Variants in ASCC3 observed in about 807,000 individuals in gnomAD.
ASCC3 encodes ASC-1 complex subunit P200.
In ASCC3, 158 loss-of-function variants were observed where a neutral mutation model predicts 256.3. The observed-to-expected ratio is 0.62, with a 90% CI of 0.54 to 0.70. The LOEUF is 0.70. ASCC3 is among the 30% of genes least tolerant of loss of function. ASCC3 has a pLI of 0.00. For synonymous variants in ASCC3, 948 were observed against 883.4 expected, an observed-to-expected ratio of 1.07 and a Z score of -1.30; for missense variants, 2,259 against 2,626.0, an observed-to-expected ratio of 0.86 and a Z score of 3.05.
chr6:100,520,198 A>T (rs1774232533), intron 37 of ASCC3, among the ~76,000 whole-genome samples: 1 of 152,120 alleles, frequency 6.6e-6, no homozygotes, highest in African/African-American at 2.4e-5. Flanking sequence ...AATTGTAAGA[A>T]GGTAAAAGTG....
At chr6:100,571,376 T>G (rs1302717599) in intron 36 of ASCC3, among the ~76,000 whole-genome samples, 1 of 152,196 alleles carries the variant, frequency 6.6e-6, no homozygotes, top group African/African-American at 2.4e-5. Flanking sequence ...TCTAATTATC[T>G]TCTGATTATT....
intron 1 of ASCC3, among the ~76,000 whole-genome samples, chr6:100,874,064 A>G (rs1410898095): frequency 6.6e-6 from 1 of 152,200 alleles, no homozygotes; most frequent in African/African-American, 2.4e-5. Context: ...ACAGCTCATT[A>G]GTTCATTGTT....
chr6:100,544,503 T>C (rs1452496003), intron 36 of ASCC3, among the ~76,000 whole-genome samples: 1 of 151,906 alleles, frequency 6.6e-6, no homozygotes, highest in Non-Finnish European at 1.5e-5. Flanking sequence ...GTTTTACAGA[T>C]ACTAAAATAA....
intron 34 of ASCC3, among the ~76,000 whole-genome samples, chr6:100,596,739 C>A (rs1772322901): frequency 6.6e-6 from 1 of 152,136 alleles, no homozygotes; most frequent in Non-Finnish European, 1.5e-5. Context: ...AAGTTTAAAT[C>A]ATTTACAATA....
At chr6:100,797,220 C>T (rs1346537240) in intron 8 of ASCC3, among the ~76,000 whole-genome samples, 5 of 152,004 alleles carry the variant, frequency 3.3e-5, no homozygotes, top group East Asian at 1.9e-4. Flanking sequence ...GAGGCCGAGG[C>T]GGGTGGATCA....
intron 30 of ASCC3, 125 bp from the exon 31 acceptor site, chr6:100,607,213 A>C: frequency 1.0e-6 from 1 of 965,796 alleles, no homozygotes; most frequent in Non-Finnish European, 1.6e-6. Context: ...TATAAGTCCT[A>C]TATACAGTTA....
At chr6:100,822,978 T>G (rs899736958) in intron 4 of ASCC3, among the ~76,000 whole-genome samples, 5 of 152,180 alleles carry the variant, frequency 3.3e-5, no homozygotes, top group Non-Finnish European at 7.3e-5. Flanking sequence ...TAACTTCTAG[T>G]GCCAAGTCCC....
chr6:100,815,438 A>G, intron 4 of ASCC3, among the ~76,000 whole-genome samples: 1 of 152,104 alleles, frequency 6.6e-6, no homozygotes, highest in Middle Eastern at 3.4e-3. Flanking sequence ...ACATAGAACC[A>G]AAAAAGAGCT....
At chr6:100,512,248 C>G (rs1773800395) in intron 40 of ASCC3, among the ~76,000 whole-genome samples, 1 of 152,186 alleles carries the variant, frequency 6.6e-6, no homozygotes, top group Non-Finnish European at 1.5e-5. Flanking sequence ...TCAGTCTCAT[C>G]TACATCTAGC....
intron 14 of ASCC3, among the ~76,000 whole-genome samples, chr6:100,663,905 T>A (rs181223634): frequency 5.3e-5 from 8 of 152,204 alleles, no homozygotes; most frequent in Non-Finnish European, 2.9e-5. Context: ...TGGTTTCATA[T>A]CTTGGAAATA....
intron 36 of ASCC3, among the ~76,000 whole-genome samples, chr6:100,543,404 C>A (rs993224138): frequency 3.3e-5 from 5 of 151,834 alleles, no homozygotes; most frequent in Admixed American, 2.6e-4. Flanking sequence ...TATATGTTTG[C>A]CTACTACCAA....
At chr6:100,557,621 T>G (rs978078199) in intron 36 of ASCC3, among the ~76,000 whole-genome samples, 3 of 151,452 alleles carry the variant, frequency 2.0e-5, no homozygotes, top group African/African-American at 4.8e-5. Flanking sequence ...CTGGTATATC[T>G]TTTCCCAACC....
chr6:100,814,204 G>A (rs1203706352), intron 4 of ASCC3, among the ~76,000 whole-genome samples: 1 of 152,122 alleles, frequency 6.6e-6, no homozygotes, highest in African/African-American at 2.4e-5. Flanking sequence ...TAAGCATGTG[G>A]TTTTTGTCTT....
chr6:100,531,932 G>A, intron 37 of ASCC3, among the ~76,000 whole-genome samples: 1 of 151,346 alleles, frequency 6.6e-6, no homozygotes, highest in East Asian at 1.9e-4. Context: ...GTTTTGGATT[G>A]CTACACAATA....
intron 14 of ASCC3, among the ~76,000 whole-genome samples, chr6:100,673,349 ATTAT>A (rs1776848529): frequency 6.6e-6 from 1 of 152,256 alleles, no homozygotes; most frequent in Admixed American, 6.5e-5. Flanking sequence ...AATTTATAAC[ATTAT>A]TTATTAATCT....
intron 34 of ASCC3, among the ~76,000 whole-genome samples, chr6:100,591,067 A>G (rs980262729): frequency 3.3e-5 from 5 of 152,058 alleles, no homozygotes; most frequent in African/African-American, 1.2e-4. Context: ...ATCTATTGAA[A>G]AGTTACTGCT....
At position 100,582,725 on chromosome 6, in the gene ASCC3, G is replaced by C. The variant is rs537360630; in HGVS notation, c.5550+6909C>G. ...TCAGTATGATATTGGCTGTGGGTTT[G>C]TCATAGATAGCTCTTATTATTTTGA... On this transcript the variant is annotated intron_variant, in intron 36 of 41. Transcript: ENST00000369162. Among the ~76,000 whole-genome samples the C allele has an allele frequency of 2.9e-4, 44 of 152,058 alleles. 1 individual carries two copies. In the East Asian group the frequency reaches 8.3e-3, roughly 29 times the overall value.
intron 10 of ASCC3, among the ~76,000 whole-genome samples, chr6:100,727,669 A>G (rs1427231642): frequency 1.3e-5 from 2 of 148,768 alleles, no homozygotes; most frequent in East Asian, 4.2e-4. Flanking sequence ...AACAACAACA[A>G]CAACAACAAC....
At chr6:100,807,393 T>G (rs992811287) in intron 4 of ASCC3, among the ~76,000 whole-genome samples, 2 of 151,008 alleles carry the variant, frequency 1.3e-5, no homozygotes, top group Non-Finnish European at 3.0e-5. Context: ...ACATAATGTC[T>G]GTGTTCCCTT....
Sources: gnomAD v4.1 joint callset for allele counts (sites outside exome capture counted in the v4.1 genomes callset) on GRCh38, gnomAD v4.1.1 for gene constraint, MANE v1.5 for transcripts, NCBI Gene and HGNC (gene_info 2026-07-23, HGNC 2026-07-21) for gene names.